The following ELF1 variants were observed in gnomAD, a reference collection of about 807,000 sequenced individuals.
ELF1 encodes E74 like ETS transcription factor 1, also known as ETS-related transcription factor Elf-1.
A neutral mutation model predicts 59.9 loss-of-function variants in ELF1; 24 were observed. That is an observed-to-expected ratio of 0.40 (90% CI 0.29 to 0.56). The LOEUF (loss-of-function observed/expected upper bound fraction) is 0.56, where lower values mean the gene tolerates loss of function less well. Among genes scored for constraint, ELF1 ranks in the 20% least tolerant of loss-of-function variants. The pLI is 0.44. For missense variants in ELF1, 627 were observed against 742.2 expected, an observed-to-expected ratio of 0.84 and a Z score of 1.80; for synonymous variants, 248 against 266.2, an observed-to-expected ratio of 0.93 and a Z score of 0.67.
chr13:41,015,215 A>C (rs925186032), intron 1 of ELF1, among the ~76,000 whole-genome samples: 1 of 152,134 alleles, frequency 6.6e-6, no homozygotes, highest in African/African-American at 2.4e-5. Flanking sequence ...AATAAAAAAT[A>C]GGTTAATTAC....
intron 1 of ELF1, among the ~76,000 whole-genome samples, chr13:41,053,766 CATTTT>C (rs559861382): frequency 1.6e-4 from 25 of 152,246 alleles, no homozygotes; most frequent in Non-Finnish European, 2.4e-4. Flanking sequence ...TCACAATCAC[CATTTT>C]ATTTTGATTC....
At chr13:41,001,497 G>C (rs574622343) in intron 1 of ELF1, among the ~76,000 whole-genome samples, 115 of 152,118 alleles carry the variant, frequency 7.6e-4, no homozygotes, top group Non-Finnish European at 1.3e-3. Context: ...TAACAAAGCT[G>C]GAAGCACCAC....
At chr13:41,017,572 CTCT>C (rs1304989129) in intron 1 of ELF1, among the ~76,000 whole-genome samples, 1 of 152,042 alleles carries the variant, frequency 6.6e-6, no homozygotes, top group East Asian at 1.9e-4. Flanking sequence ...TTTCTTGGTT[CTCT>C]TCTTTTTACC....
chr13:41,042,965 GTTC>G (rs1876683624), intron 1 of ELF1, among the ~76,000 whole-genome samples: 1 of 152,076 alleles, frequency 6.6e-6, no homozygotes, highest in South Asian at 2.1e-4. Context: ...TCTCCAGCCT[GTTC>G]TTTCCTGACT....
Position 40,982,223 on chromosome 13 carries a change from GATATT to G in ELF1, c.-174_-170del. ...GGTGCTTCAGTTTTCCTGGTTCATTGATATTCTAGTCAAATTGAGACAATTTTTCT... is the reference window on the plus strand; with the variant it reads ...GGTGCTTCAGTTTTCCTGGTTCATTGCTAGTCAAATTGAGACAATTTTTCT... On this transcript the variant is annotated 5_prime_UTR_variant, in exon 2 of 9. Coordinates refer to ENST00000239882, the MANE Select transcript of ELF1 (RefSeq NM_172373.4). 2 of 1,297,084 alleles carry G rather than the reference GATATT, an allele frequency of 1.5e-6. No homozygotes were observed. The highest frequency in any genetic ancestry group is 2.0e-6 in the Non-Finnish European group (2 of 1,021,420). The allele number at this position is 1,297,084 out of a possible 1,614,324, so 80.3% of individuals were successfully genotyped here. A position where few individuals can be genotyped will look rare whatever the true frequency, so the allele number is the denominator to read the frequency against.
rs1302892466 is a variant in ELF1, at chr13:40,932,744, T to C, written c.*681A>G. ...AGAAGAGAAAGTGGTGATCATCTAGTCTAATCCAATACATCTCTTCCTTTT... is the reference window on the plus strand; with the variant it reads ...AGAAGAGAAAGTGGTGATCATCTAGCCTAATCCAATACATCTCTTCCTTTT... On this transcript the variant is annotated 3_prime_UTR_variant, in exon 9 of 9. Coordinates refer to ENST00000239882, the MANE Select transcript of ELF1 (RefSeq NM_172373.4). 6.6e-6 allele frequency: 1 copy of C among 152,184 alleles called. No individual in the cohort carries two copies. Among genetic ancestry groups the C allele is most frequent in the East Asian group, 1.9e-4 (1 of 5,198 alleles). The allele number at this position is 152,184 out of a possible 1,614,324, so 9.4% of individuals were successfully genotyped here.
At chr13:40,989,144 AAT>A (rs1278264368) in intron 1 of ELF1, among the ~76,000 whole-genome samples, 3 of 152,208 alleles carry the variant, frequency 2.0e-5, no homozygotes, top group Non-Finnish European at 4.4e-5. Flanking sequence ...TTTACATTAA[AAT>A]ATGCGAATAT....
In ELF1 at chr13:41,041,631, C is replaced by T. The variant is rs552168807; in HGVS notation, c.-229+19207G>A. ...CAGAGGGTGCAGTGAGCCATTATTG[C>T]GCCACTGCACTCCAGCCTGAGCAAC... On this transcript the variant is annotated intron_variant, in intron 1 of 1. Transcript: ENST00000405737. Among the ~76,000 whole-genome samples the T allele has an allele frequency of 3.2e-4, 49 of 152,104 alleles. No homozygotes were observed. In the East Asian group the frequency reaches 8.1e-3, roughly 25 times the overall value.
intron 2 of ELF1, among the ~76,000 whole-genome samples, chr13:40,963,549 C>A (rs4347497): frequency 0.99 from 150,313 of 152,336 alleles, 74,183 homozygotes; most frequent in East Asian, 1. Context: ...GTTCATCTCT[C>A]GTTTCCCCAG....
At chr13:41,042,257 G>A (rs958589206) in intron 1 of ELF1, among the ~76,000 whole-genome samples, 2 of 149,998 alleles carry the variant, frequency 1.3e-5, no homozygotes, top group Admixed American at 1.3e-4. Context: ...CAAGTAATTC[G>A]CCTGCCTGGG....
chr13:41,039,320 CA>C (rs1326123166), intron 1 of ELF1, among the ~76,000 whole-genome samples: 1 of 95,012 alleles, frequency 1.1e-5, no homozygotes, highest in Non-Finnish European at 2.1e-5. Context: ...AAAAATATGA[CA>C]AAAAGTCCTT....
At chr13:40,983,034 T>C (rs1189028533) in intron 1 of ELF1, 1 of 187,530 alleles carries the variant, frequency 5.3e-6, no homozygotes, top group Non-Finnish European at 1.0e-5. Flanking sequence ...AACTTAGTAG[T>C]GAAAACAATT....
At chr13:41,039,318 G>A in intron 1 of ELF1, among the ~76,000 whole-genome samples, 2 of 108,282 alleles carry the variant, frequency 1.8e-5, no homozygotes, top group African/African-American at 3.5e-5. Flanking sequence ...GGAAAAATAT[G>A]ACAAAAAGTC....
At chr13:40,945,481 C>T (rs1025299554) in intron 5 of ELF1, among the ~76,000 whole-genome samples, 7 of 152,118 alleles carry the variant, frequency 4.6e-5, no homozygotes, top group Non-Finnish European at 8.8e-5. Context: ...AGTTTCTCCC[C>T]GGTCGGCTTC....
intron 2 of ELF1, among the ~76,000 whole-genome samples, chr13:40,969,693 A>T: frequency 6.6e-6 from 1 of 152,100 alleles, no homozygotes; most frequent in Non-Finnish European, 1.5e-5. Context: ...CTGAACCGAA[A>T]CTGTTTAAAT....
At chr13:41,034,984 G>C (rs1422578566) in intron 1 of ELF1, among the ~76,000 whole-genome samples, 5 of 152,158 alleles carry the variant, frequency 3.3e-5, no homozygotes, top group African/African-American at 1.2e-4. Context: ...TACCTTTTCA[G>C]GCCTTCTCCA....
chr13:41,043,089 G>A (rs1234180151), intron 1 of ELF1, among the ~76,000 whole-genome samples: 1 of 152,204 alleles, frequency 6.6e-6, no homozygotes, highest in African/African-American at 2.4e-5. Context: ...TCTGTTGGCT[G>A]CAAAAATGTC....
intron 1 of ELF1, among the ~76,000 whole-genome samples, chr13:40,987,417 C>T (rs1349460472): frequency 2.7e-5 from 4 of 149,558 alleles, no homozygotes; most frequent in Non-Finnish European, 1.5e-5. Flanking sequence ...CCCGTCCCTA[C>T]CAAAAACACA....
chr13:40,962,496 AACACGG>A (rs1871892479), intron 2 of ELF1, among the ~76,000 whole-genome samples: 1 of 151,890 alleles, frequency 6.6e-6, no homozygotes, highest in South Asian at 2.1e-4. Flanking sequence ...CAGCCTGGCC[AACACGG>A]TGAAACCTTG....
Sources: gnomAD v4.1 joint callset for allele counts (sites outside exome capture counted in the v4.1 genomes callset) on GRCh38, gnomAD v4.1.1 for gene constraint, MANE v1.5 for transcripts, NCBI Gene and HGNC (gene_info 2026-07-23, HGNC 2026-07-21) for gene names.